The following CHRM2 variants were observed in gnomAD, a reference collection of about 807,000 sequenced individuals.
The protein encoded by CHRM2 is muscarinic acetylcholine receptor M2.
In CHRM2, 8 loss-of-function variants were observed where a neutral mutation model predicts 25.0. The ratio of observed to expected loss-of-function variants is 0.32; its 90% CI spans 0.19 to 0.58. CHRM2 has a LOEUF of 0.58. Ranked by LOEUF, CHRM2 falls within the 20% of genes least tolerant of loss-of-function variation. CHRM2 has a pLI of 0.88. For missense variants in CHRM2, 440 were observed against 567.1 expected (o/e 0.78, Z 2.28); for synonymous variants, 202 against 205.7 (o/e 0.98, Z 0.15).
chr7:137,012,368 G>A (rs1415655529), intron 3 of CHRM2, among the ~76,000 whole-genome samples: 3 of 151,970 alleles, frequency 2.0e-5, no homozygotes, highest in African/African-American at 7.2e-5. Context: ...TTGCAAAAAA[G>A]GATTGTCAAA....
chr7:137,000,073 A>G (rs1215524429), intron 3 of CHRM2, among the ~76,000 whole-genome samples: 1 of 152,138 alleles, frequency 6.6e-6, no homozygotes, highest in African/African-American at 2.4e-5. Context: ...CAAACTGTAA[A>G]GGTAATTATT....
intron 2 of CHRM2, among the ~76,000 whole-genome samples, chr7:136,896,706 C>T (rs559776325): frequency 5.1e-4 from 78 of 152,056 alleles, no homozygotes; most frequent in African/African-American, 1.8e-3. Flanking sequence ...TCACAAGAAG[C>T]GAGAATATGA....
At chr7:136,950,225 C>A (rs1312957450) in intron 2 of CHRM2, among the ~76,000 whole-genome samples, 2 of 152,098 alleles carry the variant, frequency 1.3e-5, no homozygotes, top group African/African-American at 4.8e-5. Flanking sequence ...AAGATCATCT[C>A]ATTAAATGTA....
intron 2 of CHRM2, among the ~76,000 whole-genome samples, chr7:136,904,346 A>T (rs1797413334): frequency 6.6e-6 from 1 of 151,892 alleles, no homozygotes; most frequent in Non-Finnish European, 1.5e-5. Context: ...TTGCCTATTC[A>T]CATTTTCTAT....
chr7:136,959,028 C>T (rs1433728587), intron 2 of CHRM2, among the ~76,000 whole-genome samples: 4 of 152,122 alleles, frequency 2.6e-5, no homozygotes, highest in African/African-American at 9.7e-5. Flanking sequence ...GGCTGAGAGG[C>T]TATTTTTATG....
intron 2 of CHRM2, among the ~76,000 whole-genome samples, chr7:136,989,365 T>G (rs1266375958): frequency 6.6e-6 from 1 of 152,128 alleles, no homozygotes; most frequent in East Asian, 1.9e-4. Context: ...ACACAGTGAT[T>G]AATGACTGGA....
At chr7:136,969,963 A>C (rs2130925744) in intron 2 of CHRM2, among the ~76,000 whole-genome samples, 1 of 152,246 alleles carries the variant, frequency 6.6e-6, no homozygotes, top group African/African-American at 2.4e-5. Flanking sequence ...GTTCCTGGTG[A>C]GGGCTCGTCC....
rs1197409308 is a variant in CHRM2, at chr7:136,889,576, AC to A, written c.-125+20161del. The stretch of plus-strand genomic sequence containing the variant: ...CACAAAGGGTGATTCTCAGGACATA[AC>A]CCAATCCTGAGGTTTCTTCATTTCT... On this transcript the variant is annotated intron_variant, in intron 2 of 3. Transcript: ENST00000680005. Among the ~76,000 whole-genome samples, 3 of 152,342 alleles carry A rather than the reference AC, an allele frequency of 2.0e-5. No homozygotes were observed. In the East Asian group the frequency reaches 5.8e-4, roughly 29 times the overall value.
Position 136,869,864 on chromosome 7 carries a change from G to C in CHRM2, c.-125+446G>C, listed in dbSNP as rs552200650. The C allele has an allele frequency of 1.3e-5, 2 of 152,470 alleles. No homozygotes were observed. Among genetic ancestry groups the C allele is most frequent in the Non-Finnish European group, 2.9e-5 (2 of 68,390 alleles). 9.4% of individuals were successfully genotyped at this position (152,470 alleles called of 1,614,324 possible). A position where few individuals can be genotyped will look rare whatever the true frequency, so the allele number is the denominator to read the frequency against. On this transcript the variant is annotated intron_variant, in intron 2 of 3. Coordinates refer to ENST00000680005, the MANE Select transcript of CHRM2 (RefSeq NM_001006630.2). The surrounding 1 kb of genome is among the most constrained non-coding windows in gnomAD (Gnocchi z 4.9). ...CCTCCCGCCCCTCGGGTTCCTTCCT[G>C]CTGGGGTCTGACCGCGTCTTCTGTG...
chr7:137,019,727 T>C lies in CHRM2; in HGVS notation c.*3461T>C, dbSNP rs1187275035. 1 of 151,880 alleles carries C rather than the reference T, an allele frequency of 6.6e-6. No individual in the cohort carries two copies. The highest frequency in any genetic ancestry group is 1.5e-5 in the Non-Finnish European group (1 of 67,888). 9.4% of individuals were successfully genotyped at this position (151,880 alleles called of 1,614,324 possible). ...TAATTTAACGCCAGCTCCCAAGTAT[T>C]AGGGCAGAGTAATCAATATGAGAAG... On this transcript the variant is annotated 3_prime_UTR_variant, in exon 4 of 4. Transcript: ENST00000680005.
At chr7:136,888,764 A>T (rs1796571886) in intron 2 of CHRM2, among the ~76,000 whole-genome samples, 1 of 152,194 alleles carries the variant, frequency 6.6e-6, no homozygotes, top group South Asian at 2.1e-4. Context: ...TCCAATTAAA[A>T]GTAATTACCA....
chr7:136,936,969 T>A (rs1451646961), intron 2 of CHRM2, among the ~76,000 whole-genome samples: 15 of 152,164 alleles, frequency 9.9e-5, no homozygotes, highest in Non-Finnish European at 1.5e-4. Context: ...CTTCAAATCT[T>A]AAGATCAAAC....
chr7:137,000,093 C>T (rs905536052), intron 3 of CHRM2, among the ~76,000 whole-genome samples: 2 of 151,982 alleles, frequency 1.3e-5, no homozygotes, highest in East Asian at 1.9e-4. Context: ...TTTTCTACTA[C>T]TCCCAACCTA....
In CHRM2 at chr7:136,928,220, C is replaced by T. The variant is rs114733693; in HGVS notation, c.-125+58802C>T. 2.4e-3 allele frequency among the ~76,000 whole-genome samples: 373 copies of T among 152,254 alleles called. 1 individual carries two copies. The highest frequency in any genetic ancestry group is 8.3e-3 in the African/African-American group (344 of 41,546). On this transcript the variant is annotated intron_variant, in intron 2 of 3. Coordinates refer to ENST00000680005, the MANE Select transcript of CHRM2 (RefSeq NM_001006630.2). Reference sequence around the variant, plus strand: ...AAAAAGTTGCCATAAATTGCTCTAACGGTTAAACCTGGTATCAAATCCAAA... The same window carrying T: ...AAAAAGTTGCCATAAATTGCTCTAATGGTTAAACCTGGTATCAAATCCAAA...
chr7:137,007,318 G>A (rs935624328), intron 3 of CHRM2, among the ~76,000 whole-genome samples: 1 of 152,104 alleles, frequency 6.6e-6, no homozygotes, highest in African/African-American at 2.4e-5. Flanking sequence ...GTTCTGTTTT[G>A]TTGGTCACCC....
Position 136,930,672 on chromosome 7 carries a change from T to C in CHRM2, c.-125+61254T>C, listed in dbSNP as rs187065439. Among the ~76,000 whole-genome samples the C allele has an allele frequency of 6.4e-3, 955 of 149,976 alleles. 11 individuals are homozygous for C. Among genetic ancestry groups the C allele is most frequent in the African/African-American group, 0.021 (877 of 40,908 alleles). The stretch of plus-strand genomic sequence containing the variant: ...CAGCACTTTGGGAGGCCAAGGAGGG[T>C]GGATCACGAGGTCAGGAAATCGAGA... On this transcript the variant is annotated intron_variant, in intron 2 of 3. Coordinates refer to ENST00000680005, the MANE Select transcript of CHRM2 (RefSeq NM_001006630.2).
intron 2 of CHRM2, among the ~76,000 whole-genome samples, chr7:136,880,565 A>G (rs1796225882): frequency 6.6e-6 from 1 of 151,892 alleles, no homozygotes. Context: ...CTGAAATTCA[A>G]TTAGCTTTTT....
intron 2 of CHRM2, among the ~76,000 whole-genome samples, chr7:136,975,576 A>G (rs1327753302): frequency 1.3e-5 from 2 of 152,336 alleles, no homozygotes; most frequent in East Asian, 3.9e-4. Context: ...ACAAAACCCA[A>G]TGATAAAATC....
At chr7:136,974,837 C>T (rs758245928) in intron 2 of CHRM2, among the ~76,000 whole-genome samples, 15 of 151,988 alleles carry the variant, frequency 9.9e-5, no homozygotes, top group Non-Finnish European at 1.3e-4. Flanking sequence ...TAAATGTGAG[C>T]GAATGTGACT....
Sources: gnomAD v4.1 joint callset for allele counts (sites outside exome capture counted in the v4.1 genomes callset) on GRCh38, gnomAD v4.1.1 for gene constraint, Gnocchi (gnomAD v3.1) non-coding constraint, MANE v1.5 for transcripts, NCBI Gene and HGNC (gene_info 2026-07-23, HGNC 2026-07-21) for gene names.